MED12L: variants seen among roughly 807,000 people sequenced by gnomAD.
MED12L encodes mediator of RNA polymerase II transcription subunit 12-like protein.
A neutral mutation model predicts 281.3 loss-of-function variants in MED12L; 60 were observed. The ratio of observed to expected loss-of-function variants is 0.21; its 90% confidence interval spans 0.17 to 0.26. The LOEUF is 0.26. Among genes scored for constraint, MED12L ranks in the 10% least tolerant of loss-of-function variants. The probability of loss-of-function intolerance (pLI) is 1.00; values close to 1 mark genes in which losing one functional copy is unlikely to be tolerated. For missense variants in MED12L, 2,146 were observed against 2,680.9 expected, an observed-to-expected ratio of 0.80 and a Z score of 4.41; for synonymous variants, 974 against 987.2, an observed-to-expected ratio of 0.99 and a Z score of 0.25.
intron 16 of MED12L, chr3:151,214,031 C>A: frequency 6.2e-7 from 1 of 1,614,124 alleles, no homozygotes; most frequent in Non-Finnish European, 8.5e-7. Flanking sequence ...ACGGCAGAGA[C>A]CCTGCACACA....
intron 38 of MED12L, 107 bp from the exon 39 acceptor site, chr3:151,394,549 T>G (rs574155179): frequency 3.9e-6 from 6 of 1,529,454 alleles, no homozygotes; most frequent in Non-Finnish European, 5.3e-6. Flanking sequence ...TTTTCTACTT[T>G]GTTCATAAAG....
intron 33 of MED12L, among the ~76,000 whole-genome samples, chr3:151,383,394 T>C (rs548922596): frequency 6.6e-6 from 1 of 152,340 alleles, no homozygotes; most frequent in South Asian, 2.1e-4. Context: ...TTAGATTCAA[T>C]AGTAATTGTA....
At chr3:151,116,509 A>C in intron 3 of MED12L, 67 bp downstream of exon 3, 1 of 992,314 alleles carries the variant, frequency 1.0e-6, no homozygotes, top group Non-Finnish European at 1.5e-6. Context: ...CTTAATAATC[A>C]CTGTTGATAA....
intron 16 of MED12L, among the ~76,000 whole-genome samples, chr3:151,305,772 G>A (rs1180009794): frequency 1.3e-5 from 2 of 152,118 alleles, no homozygotes; most frequent in Non-Finnish European, 2.9e-5. Flanking sequence ...GCAGAGGTAG[G>A]AGTCTGTTTT....
At chr3:151,297,225 C>T (rs1745220536) in intron 16 of MED12L, among the ~76,000 whole-genome samples, 1 of 152,196 alleles carries the variant, frequency 6.6e-6, no homozygotes, top group Non-Finnish European at 1.5e-5. Context: ...TGTACAGTAT[C>T]ATTCAAGCCT....
chr3:151,308,780 G>T (rs1747047756), intron 16 of MED12L, among the ~76,000 whole-genome samples: 1 of 152,128 alleles, frequency 6.6e-6, no homozygotes, highest in Non-Finnish European at 1.5e-5. Context: ...GGGATATGGT[G>T]CAAGTATTCT....
intron 16 of MED12L, among the ~76,000 whole-genome samples, chr3:151,282,543 C>T (rs1742960964): frequency 6.6e-6 from 1 of 152,082 alleles, no homozygotes; most frequent in East Asian, 1.9e-4. Context: ...GTACAGTGTA[C>T]AAGGATATTT....
At chr3:151,324,792 T>C (rs1374848901) in intron 16 of MED12L, among the ~76,000 whole-genome samples, 1 of 152,264 alleles carries the variant, frequency 6.6e-6, no homozygotes, top group Non-Finnish European at 1.5e-5. Flanking sequence ...GTGTTCTGTA[T>C]TCATATTTCC....
rs200547022 is a variant in MED12L at position 151,390,174 on chromosome 3, A to G, written c.5608+39A>G. On this transcript the variant is annotated intron_variant, in intron 38 of 44. Coordinates refer to ENST00000687756, the MANE Select transcript of MED12L (RefSeq NM_001393769.1). ...AAGCACAGATCACTCAGAGATGAGA[A>G]ACAGCTTGTGGTTCTCTTTGCTTTT... The G allele has an allele frequency of 7.1e-4, 1,145 of 1,602,198 alleles. 11 individuals carry two copies. In the South Asian group the frequency reaches 9.8e-3, roughly 14 times the overall value.
chr3:151,191,838 G>A (rs1724022763), intron 14 of MED12L, among the ~76,000 whole-genome samples: 1 of 152,112 alleles, frequency 6.6e-6, no homozygotes, highest in Non-Finnish European at 1.5e-5. Flanking sequence ...CCCGGGAGGT[G>A]GAGGTTGCAG....
At chr3:151,374,075 C>A (rs1756516473) in intron 27 of MED12L, among the ~76,000 whole-genome samples, 2 of 152,152 alleles carry the variant, frequency 1.3e-5, no homozygotes. Flanking sequence ...TCCCCTAATT[C>A]ATATTAGTAT....
intron 16 of MED12L, among the ~76,000 whole-genome samples, chr3:151,286,510 T>C (rs1172405781): frequency 6.6e-6 from 1 of 152,170 alleles, no homozygotes; most frequent in Non-Finnish European, 1.5e-5. Context: ...GAAGCATCCA[T>C]GAGAGATTTT....
chr3:151,234,984 C>T (rs1040243397), intron 16 of MED12L, among the ~76,000 whole-genome samples: 5 of 152,178 alleles, frequency 3.3e-5, no homozygotes, highest in Non-Finnish European at 5.9e-5. Context: ...ACGTCATGGA[C>T]GTGGTTAACT....
chr3:151,206,640 A>ATTTTTTTTT (rs1216609130), intron 16 of MED12L, among the ~76,000 whole-genome samples: 14 of 16,000 alleles, frequency 8.8e-4, no homozygotes, highest in Non-Finnish European at 1.1e-3. Context: ...CTAACACATT[A>ATTTTTTTTT]TCTTTTTTTT....
At position 151,377,168 on chromosome 3, in the gene MED12L, A is replaced by G; in HGVS notation, c.4306A>G (p.Thr1436Ala). 6.2e-7 allele frequency: 1 copy of G among 1,608,900 alleles called. No individual in the cohort carries two copies. Among genetic ancestry groups the G allele is most frequent in the Non-Finnish European group, 8.5e-7 (1 of 1,178,446 alleles). ...TAGCACGAGACAGAATGGAATAAAG[A>G]CATTCCTAAGGTATTTTTGTCTGTT... ...TSSTRQNGIKTFLSSSERRGV... is the reference protein window; with the variant it reads ...TSSTRQNGIKAFLSSSERRGV... Residue 1436 changes from threonine (T) to alanine (A), a missense_variant, in exon 30 of 45, where the codon ACA becomes GCA. Around this residue, in one of 9 missense-constraint regions of MED12L, gnomAD observed 235 missense variants for 260.3 expected, o/e 0.90. Coordinates refer to ENST00000687756, the MANE Select transcript of MED12L (RefSeq NM_001393769.1).
chr3:151,173,460 G>C (rs1037895021), intron 11 of MED12L, among the ~76,000 whole-genome samples: 22 of 152,144 alleles, frequency 1.4e-4, no homozygotes, highest in Admixed American at 5.2e-4. Context: ...AAAAGAGGAA[G>C]ACACCTTTGT....
intron 1 of MED12L, chr3:151,086,319 G>T (rs1377948574): frequency 1.3e-5 from 2 of 152,688 alleles, no homozygotes; most frequent in African/African-American, 4.8e-5. Flanking sequence ...GGCCCGGTCC[G>T]TGTCCAGGTG....
rs1055806491 is a variant in MED12L at position 151,159,813 on chromosome 3, G to T, written c.838-19G>T. On this transcript the variant is annotated intron_variant, in intron 7 of 44. Transcript: ENST00000687756. ...ACGCATAAGACATGACTGAAGTCTGGTGTCCTTCTACTTCTCAGTATTCAG... is the reference window on the plus strand; with the variant it reads ...ACGCATAAGACATGACTGAAGTCTGTTGTCCTTCTACTTCTCAGTATTCAG... 1 of 1,600,136 alleles carries T rather than the reference G, an allele frequency of 6.2e-7. No individual in the cohort carries two copies. Among genetic ancestry groups the T allele is most frequent in the Non-Finnish European group, 8.6e-7 (1 of 1,169,406 alleles).
At chr3:151,395,554 A>G (rs1290391570) in intron 39 of MED12L, among the ~76,000 whole-genome samples, 1 of 152,220 alleles carries the variant, frequency 6.6e-6, no homozygotes, top group East Asian at 1.9e-4. Context: ...GTGTGAGGTG[A>G]GAATGGGGAT....
Sources: gnomAD v4.1 joint callset for allele counts (sites outside exome capture counted in the v4.1 genomes callset) on GRCh38, gnomAD v4.1.1 for gene constraint, gnomAD v4.1.1 regional missense constraint, MANE v1.5 for transcripts, NCBI Gene and HGNC (gene_info 2026-07-23, HGNC 2026-07-21) for gene names.